PROM1: variants seen among roughly 807,000 people sequenced by gnomAD.
PROM1 encodes the protein prominin 1.
PROM1 carries 105 observed loss-of-function variants against 116.9 expected under a neutral mutation model. The ratio of observed to expected loss-of-function variants is 0.90; its 90% CI spans 0.77 to 1.06. PROM1 has a LOEUF of 1.06. PROM1 is among the 50% of genes least tolerant of loss of function. The pLI is 0.00. For synonymous variants in PROM1, 393 were observed against 387.0 expected (o/e 1.02, Z -0.18); for missense variants, 1,122 against 1,045.2 (o/e 1.07, Z -1.01).
intron 2 of PROM1, among the ~76,000 whole-genome samples, chr4:16,044,006 C>G (rs796154735): frequency 7.3e-4 from 111 of 152,316 alleles, no homozygotes; most frequent in African/African-American, 2.5e-3. Flanking sequence ...GTGGGATTCT[C>G]TTGCAGTTTC....
rs146390632 is a variant in PROM1 at position 16,016,160 on chromosome 4, G to C, written c.1077+6C>G. The C allele has an allele frequency of 9.1e-5, 141 of 1,550,992 alleles. 1 individual carries two copies. The East Asian group carries it at 2.6e-3, about 29-fold the overall frequency. ...ATCAGTGATTGTATTTTTTCCAAAA[G>C]CATACCTGTTGGACCAGGCCATCCA... On this transcript the variant is annotated splice_donor_region_variant and intron_variant, in intron 10 of 27. Transcript: ENST00000447510.
At chr4:16,013,549 G>C (rs1189988644) in intron 10 of PROM1, among the ~76,000 whole-genome samples, 1 of 152,202 alleles carries the variant, frequency 6.6e-6, no homozygotes, top group Non-Finnish European at 1.5e-5. Flanking sequence ...CAAAGGTCGT[G>C]TTAGAAGTTT....
At chr4:16,005,495 G>T (rs1474479107) in intron 13 of PROM1, among the ~76,000 whole-genome samples, 7 of 145,800 alleles carry the variant, frequency 4.8e-5, no homozygotes, top group African/African-American at 1.8e-4. Context: ...TTGTTTGTTT[G>T]GTGTGTGTGT....
intron 5 of PROM1, among the ~76,000 whole-genome samples, chr4:16,028,518 C>T (rs1004919994): frequency 6.6e-6 from 1 of 152,172 alleles, no homozygotes; most frequent in African/African-American, 2.4e-5. Flanking sequence ...TGCAGACCAA[C>T]TGATGGTCTC....
chr4:16,032,846 T>A (rs1378251761), intron 5 of PROM1, among the ~76,000 whole-genome samples: 1 of 152,226 alleles, frequency 6.6e-6, no homozygotes, highest in East Asian at 1.9e-4. Context: ...GAAAGTCAAT[T>A]GCATTCTACA....
intron 2 of PROM1, among the ~76,000 whole-genome samples, chr4:16,057,524 A>T (rs1434214747): frequency 6.6e-6 from 1 of 152,240 alleles, no homozygotes; most frequent in Non-Finnish European, 1.5e-5. Context: ...TGAGCTAAGA[A>T]GCTTCTTCTC....
At position 16,033,435 on chromosome 4, in the gene PROM1, C is replaced by G; in HGVS notation, c.378G>C (p.Val126=). The G allele has an allele frequency of 6.8e-6, 11 of 1,613,674 alleles. No homozygotes were observed. Among genetic ancestry groups the G allele is most frequent in the South Asian group, 1.1e-5 (1 of 91,000 alleles). Residue 126 remains valine (V), a synonymous_variant, in exon 5 of 28, where the codon GTG becomes GTC. Coordinates refer to ENST00000447510, the MANE Select transcript of PROM1 (RefSeq NM_006017.3). ...GLLFIILMPL[V]GYFFCMCRCC... ...AACGACACATACAAAAGAAATACCC[C>G]ACCAGAGGCATCAGAATAATAAACA...
At chr4:16,056,554 A>G (rs1739064756) in intron 2 of PROM1, among the ~76,000 whole-genome samples, 1 of 152,148 alleles carries the variant, frequency 6.6e-6, no homozygotes, top group Admixed American at 6.5e-5. Flanking sequence ...AATAAATGCT[A>G]TAAAGAAAAA....
At chr4:16,002,332 G>A (rs1305859873) in intron 13 of PROM1, among the ~76,000 whole-genome samples, 1 of 152,274 alleles carries the variant, frequency 6.6e-6, no homozygotes, top group South Asian at 2.1e-4. Context: ...CAATGTACCC[G>A]GTGCGTAGCT....
At chr4:16,015,200 G>C (rs1330905348) in intron 10 of PROM1, among the ~76,000 whole-genome samples, 1 of 151,718 alleles carries the variant, frequency 6.6e-6, no homozygotes, top group African/African-American at 2.4e-5. Flanking sequence ...ACAAAAATTA[G>C]CAGGGTGTGG....
chr4:15,993,058 G>C (rs1409500784), intron 16 of PROM1, among the ~76,000 whole-genome samples: 1 of 152,156 alleles, frequency 6.6e-6, no homozygotes, highest in Admixed American at 6.5e-5. Flanking sequence ...TTAGGGTTTG[G>C]TTACAAAATT....
intron 2 of PROM1, among the ~76,000 whole-genome samples, chr4:16,060,263 A>G (rs1452081377): frequency 1.3e-5 from 2 of 152,058 alleles, no homozygotes; most frequent in Non-Finnish European, 1.5e-5. Flanking sequence ...TCTACCAGAT[A>G]TATTAAGTTT....
At position 16,053,959 on chromosome 4, in the gene PROM1, T is replaced by C. The variant is rs183108655; in HGVS notation, c.221-14958A>G. Among the ~76,000 whole-genome samples, 320 of 152,228 alleles carry C rather than the reference T, an allele frequency of 2.1e-3. 3 individuals are homozygous for C. The highest frequency in any genetic ancestry group is 0.018 in the South Asian group (87 of 4,828). ...AAAATACAAAGTTAGCCAGGTGTGGTGGTGAGCACTTGTCATCCCAGTTAC... is the reference window on the plus strand; with the variant it reads ...AAAATACAAAGTTAGCCAGGTGTGGCGGTGAGCACTTGTCATCCCAGTTAC... On this transcript the variant is annotated intron_variant, in intron 2 of 27. Transcript: ENST00000447510.
At chr4:16,054,240 T>A (rs1738484339) in intron 2 of PROM1, among the ~76,000 whole-genome samples, 1 of 152,190 alleles carries the variant, frequency 6.6e-6, no homozygotes, top group Admixed American at 6.5e-5. Context: ...TCTACTCCAT[T>A]CCATTCTATA....
At chr4:16,003,302 C>T (rs1453103371) in intron 13 of PROM1, 1 of 456,590 alleles carries the variant, frequency 2.2e-6, no homozygotes, top group South Asian at 1.5e-5. Context: ...CTGCAAAACA[C>T]CTCCCTCTTC....
intron 1 of PROM1, chr4:16,076,790 C>G (rs961943599): frequency 2.3e-5 from 4 of 171,180 alleles, no homozygotes; most frequent in African/African-American, 9.6e-5. Flanking sequence ...AACCTTACCC[C>G]CAACCCCGTG....
intron 2 of PROM1, among the ~76,000 whole-genome samples, chr4:16,041,176 G>C (rs1331369447): frequency 6.6e-6 from 1 of 151,922 alleles, no homozygotes; most frequent in Non-Finnish European, 1.5e-5. Flanking sequence ...TGGTAGATAA[G>C]AATGCAAGTG....
intron 18 of PROM1, 53 bp downstream of exon 18, chr4:15,991,169 G>T: frequency 1.4e-6 from 2 of 1,454,454 alleles, no homozygotes; most frequent in South Asian, 1.2e-5. Flanking sequence ...GAATGGTACT[G>T]ACATTTGACA....
chr4:15,988,689 A>G (rs1264744842), intron 19 of PROM1, among the ~76,000 whole-genome samples: 1 of 152,212 alleles, frequency 6.6e-6, no homozygotes, highest in Admixed American at 6.5e-5. Context: ...GGTCCTGTGT[A>G]CTTGGGAAAA....
Sources: allele counts gnomAD v4.1 joint callset (sites outside exome capture counted in the v4.1 genomes callset), GRCh38; gene constraint gnomAD v4.1.1; transcripts MANE v1.5; gene names NCBI Gene and HGNC (gene_info 2026-07-23, HGNC 2026-07-21).